The following MOGAT1 variants were observed in gnomAD, a reference collection of about 807,000 sequenced individuals.
MOGAT1 encodes 2-acylglycerol O-acyltransferase 1.
In MOGAT1, 32 loss-of-function variants were observed where a neutral mutation model predicts 31.4. The ratio of observed to expected loss-of-function variants is 1.02; its 90% CI spans 0.77 to 1.37. The LOEUF (loss-of-function observed/expected upper bound fraction) is 1.37. Among genes scored for constraint, MOGAT1 ranks in the 40% most tolerant of loss-of-function variants. The pLI is 0.00. For synonymous variants in MOGAT1, 145 were observed against 144.5 expected, an observed-to-expected ratio of 1.00 and a Z score of -0.03; for missense variants, 426 against 402.0, an observed-to-expected ratio of 1.06 and a Z score of -0.51.
intron 1 of MOGAT1, among the ~76,000 whole-genome samples, chr2:222,681,129 T>C (rs1353947825): frequency 6.6e-6 from 1 of 152,140 alleles, no homozygotes; most frequent in Non-Finnish European, 1.5e-5. Flanking sequence ...ATGTCCCTGG[T>C]TTTGCTGGAC....
intron 5 of MOGAT1, among the ~76,000 whole-genome samples, chr2:222,697,802 C>T (rs559982061): frequency 4.0e-5 from 6 of 151,704 alleles, no homozygotes; most frequent in South Asian, 2.1e-4. Flanking sequence ...CTCGAACTCC[C>T]GACCTCAGGT....
intron 3 of MOGAT1, among the ~76,000 whole-genome samples, chr2:222,692,584 G>C (rs1165178612): frequency 6.6e-6 from 1 of 151,926 alleles, no homozygotes; most frequent in African/African-American, 2.4e-5. Flanking sequence ...AGGTGTCTTA[G>C]AGCTGTCACT....
chr2:222,691,448 A>T (rs909260764), intron 3 of MOGAT1, among the ~76,000 whole-genome samples: 1 of 152,092 alleles, frequency 6.6e-6, no homozygotes, highest in African/African-American at 2.4e-5. Context: ...ACCTCAGGTG[A>T]TCCACCCAGC....
At position 222,709,745 on chromosome 2, in the gene MOGAT1, C is replaced by T. The variant is rs375330154; in HGVS notation, c.863C>T (p.Pro288Leu). The T allele has an allele frequency of 1.9e-6, 3 of 1,612,268 alleles. No homozygotes were observed. Among genetic ancestry groups the T allele is most frequent in the East Asian group, 2.2e-5 (1 of 44,872 alleles). The change falls in exon 6 of 6, where the codon CCG becomes CTG. Residue 288 changes from proline to leucine, a missense_variant. Coordinates refer to ENST00000446656, the MANE Select transcript of MOGAT1 (RefSeq NM_058165.3). The part of the protein sequence containing the change: ...RKAIHTVVGR[P>L]IPVRQTLNPT... ...ATTCCCTGATTTGCAGTTGGCCGCCCGATCCCTGTTCGTCAGACTCTGAAC... is the reference window on the plus strand; with the variant it reads ...ATTCCCTGATTTGCAGTTGGCCGCCTGATCCCTGTTCGTCAGACTCTGAAC...
chr2:222,692,023 G>C (rs758058001), intron 3 of MOGAT1, among the ~76,000 whole-genome samples: 34 of 152,232 alleles, frequency 2.2e-4, no homozygotes, highest in Non-Finnish European at 4.8e-4. Flanking sequence ...ATACCATACA[G>C]AGGACTTTCG....
chr2:222,703,685 T>C (rs1163210417), intron 5 of MOGAT1, among the ~76,000 whole-genome samples: 2 of 152,218 alleles, frequency 1.3e-5, no homozygotes, highest in East Asian at 3.8e-4. Context: ...TTCCTGCTCC[T>C]TTTAACCCTT....
intron 1 of MOGAT1, among the ~76,000 whole-genome samples, chr2:222,680,945 A>G (rs898646047): frequency 3.3e-5 from 5 of 152,204 alleles, no homozygotes; most frequent in African/African-American, 1.2e-4. Context: ...GAACAATTTC[A>G]CTTATTGTAA....
At chr2:222,693,874 T>C (rs1692801095) in intron 3 of MOGAT1, among the ~76,000 whole-genome samples, 1 of 152,150 alleles carries the variant, frequency 6.6e-6, no homozygotes, top group Non-Finnish European at 1.5e-5. Flanking sequence ...AAAATAATGA[T>C]CCATATAGAA....
At chr2:222,683,543 C>T (rs532613802) in intron 1 of MOGAT1, among the ~76,000 whole-genome samples, 61 of 151,772 alleles carry the variant, frequency 4.0e-4, no homozygotes, top group African/African-American at 1.4e-3. Flanking sequence ...GCCTGGCAAA[C>T]ATGGCGAAAC....
At position 222,688,378 on chromosome 2, in the gene MOGAT1, C is replaced by T. The variant is rs1196275488; in HGVS notation, c.129C>T (p.Ile43=). 3 of 1,612,466 alleles carry T rather than the reference C, an allele frequency of 1.9e-6. No homozygotes were observed. Among genetic ancestry groups the T allele is most frequent in the South Asian group, 1.1e-5 (1 of 90,672 alleles). Residue 43 remains isoleucine, a synonymous_variant, in exon 2 of 6, where the codon ATC becomes ATT. Coordinates refer to ENST00000446656, the MANE Select transcript of MOGAT1 (RefSeq NM_058165.3). Reference sequence around the variant, plus strand: ...CCATTGGAATCACTGTGATGCTGATCATACACAACTATTTGTTCCTTTACA... The same window carrying T: ...CCATTGGAATCACTGTGATGCTGATTATACACAACTATTTGTTCCTTTACA... ...PMSIGITVML[I]IHNYLFLYIP...
At position 222,702,715 on chromosome 2, in the gene MOGAT1, G is replaced by A. The variant is rs545827457; in HGVS notation, c.854-7021G>A. 1.6e-4 allele frequency among the ~76,000 whole-genome samples: 24 copies of A among 151,672 alleles called. No individual in the cohort carries two copies. In the South Asian group the frequency reaches 4.4e-3, roughly 28 times the overall value. ...ACAAAAGTAATCCACTGTGTTTCAA[G>A]TCACTTTTATATTCTGATGGGAAAA... is the stretch of plus-strand genomic sequence containing the variant. On this transcript the variant is annotated intron_variant, in intron 5 of 5. Coordinates refer to ENST00000446656, the MANE Select transcript of MOGAT1 (RefSeq NM_058165.3).
At chr2:222,694,053 A>G (rs1396517263) in intron 3 of MOGAT1, among the ~76,000 whole-genome samples, 5 of 152,194 alleles carry the variant, frequency 3.3e-5, no homozygotes, top group Non-Finnish European at 7.3e-5. Flanking sequence ...TTTTACTTAG[A>G]ATGCAATATA....
chr2:222,697,439 C>T (rs956773325), intron 5 of MOGAT1, among the ~76,000 whole-genome samples: 2 of 151,986 alleles, frequency 1.3e-5, no homozygotes, highest in African/African-American at 2.4e-5. Context: ...ATTGCAGACG[C>T]ACATGAAGAG....
At chr2:222,685,926 T>C (rs188513458) in intron 1 of MOGAT1, among the ~76,000 whole-genome samples, 63 of 152,246 alleles carry the variant, frequency 4.1e-4, no homozygotes, top group African/African-American at 1.4e-3. Flanking sequence ...ATGTAAAACA[T>C]GTAATGAGCA....
chr2:222,705,252 T>A (rs112448238), intron 5 of MOGAT1, among the ~76,000 whole-genome samples: 85 of 149,728 alleles, frequency 5.7e-4, no homozygotes, highest in South Asian at 1.3e-3. Context: ...TACTGCAACC[T>A]GTTTTATCAG....
chr2:222,680,682 A>G (rs963090192), intron 1 of MOGAT1, among the ~76,000 whole-genome samples: 1 of 152,218 alleles, frequency 6.6e-6, no homozygotes, highest in Non-Finnish European at 1.5e-5. Context: ...AGAGGTGCTA[A>G]TGGATTTTTG....
At chr2:222,703,574 A>G (rs1466345049) in intron 5 of MOGAT1, among the ~76,000 whole-genome samples, 1 of 151,962 alleles carries the variant, frequency 6.6e-6, no homozygotes, top group East Asian at 1.9e-4. Context: ...GGATCTATAC[A>G]TACTCACATG....
chr2:222,707,291 G>C (rs2106046955), intron 5 of MOGAT1, among the ~76,000 whole-genome samples: 1 of 148,700 alleles, frequency 6.7e-6, no homozygotes, highest in African/African-American at 2.5e-5. Context: ...GGGAAGGAAG[G>C]AAGGAAGGAA....
intron 5 of MOGAT1, among the ~76,000 whole-genome samples, chr2:222,707,084 G>A (rs762623374): frequency 3.3e-5 from 5 of 152,020 alleles, no homozygotes; most frequent in Non-Finnish European, 5.9e-5. Flanking sequence ...CTCAGCTACT[G>A]GGGAGGCTGA....
Sources: allele counts gnomAD v4.1 joint callset (sites outside exome capture counted in the v4.1 genomes callset), GRCh38; gene constraint gnomAD v4.1.1; transcripts MANE v1.5; gene names NCBI Gene and HGNC (gene_info 2026-07-23, HGNC 2026-07-21).